The following MAPK10 variants were observed in gnomAD, a reference collection of about 807,000 sequenced individuals.
The protein encoded by MAPK10 is JNK3 alpha protein kinase.
Under a neutral mutation model 59.3 loss-of-function variants are expected in MAPK10, and 25 were observed. That is an observed-to-expected ratio of 0.42 (90% CI 0.31 to 0.59). MAPK10 has a LOEUF of 0.59. Ranked by LOEUF, MAPK10 falls within the 20% of genes least tolerant of loss-of-function variation. The pLI, the probability that MAPK10 is intolerant of heterozygous loss-of-function variation, is 0.15. For missense variants in MAPK10, 351 were observed against 568.9 expected (o/e 0.62, Z 3.90); for synonymous variants, 190 against 200.5 (o/e 0.95, Z 0.44).
intron 1 of MAPK10, among the ~76,000 whole-genome samples, chr4:86,459,507 C>T (rs1273601402): frequency 6.6e-6 from 1 of 152,056 alleles, no homozygotes; most frequent in Non-Finnish European, 1.5e-5. Flanking sequence ...ACCCAAATGC[C>T]CATCAATCAA....
At chr4:86,233,777 C>A (rs1440387529) in intron 2 of MAPK10, among the ~76,000 whole-genome samples, 1 of 152,200 alleles carries the variant, frequency 6.6e-6, no homozygotes, top group African/African-American at 2.4e-5. Context: ...ATTTGTCTAA[C>A]CACTTTGCTT....
At chr4:86,084,188 G>A (rs2051272855) in intron 9 of MAPK10, among the ~76,000 whole-genome samples, 1 of 152,156 alleles carries the variant, frequency 6.6e-6, no homozygotes, top group South Asian at 2.1e-4. Context: ...ACTTTGTCTT[G>A]TACCTTAGGT....
At chr4:86,263,371 A>G (rs1330943788) in intron 2 of MAPK10, among the ~76,000 whole-genome samples, 1 of 152,168 alleles carries the variant, frequency 6.6e-6, no homozygotes, top group Non-Finnish European at 1.5e-5. Flanking sequence ...TACTTGGTTC[A>G]ACCACCAGCC....
chr4:86,243,056 G>A (rs887615854), intron 2 of MAPK10, among the ~76,000 whole-genome samples: 1 of 152,212 alleles, frequency 6.6e-6, no homozygotes, highest in Non-Finnish European at 1.5e-5. Flanking sequence ...CTTGGCTGGC[G>A]GGAGGGGGGT....
At chr4:86,548,310 CTCCAAACACA>C (rs1759437601) in intron 1 of MAPK10, among the ~76,000 whole-genome samples, 1 of 152,102 alleles carries the variant, frequency 6.6e-6, no homozygotes, top group African/African-American at 2.4e-5. Context: ...AAGGAAGAAA[CTCCAAACACA>C]TCCGAACATC....
intron 2 of MAPK10, among the ~76,000 whole-genome samples, chr4:86,308,268 C>T (rs1578020513): frequency 6.6e-6 from 1 of 152,078 alleles, no homozygotes; most frequent in South Asian, 2.1e-4. Context: ...ATACCTTAAG[C>T]TTCCAAAGGG....
At chr4:86,294,506 A>C (rs1043713237) in intron 2 of MAPK10, among the ~76,000 whole-genome samples, 1 of 152,046 alleles carries the variant, frequency 6.6e-6, no homozygotes, top group Non-Finnish European at 1.5e-5. Flanking sequence ...TTAACAGCCC[A>C]GAGAATTGCC....
At chr4:86,525,407 C>T (rs1362992669) in intron 1 of MAPK10, among the ~76,000 whole-genome samples, 2 of 152,164 alleles carry the variant, frequency 1.3e-5, no homozygotes, top group African/African-American at 4.8e-5. Context: ...TTTGTATTCA[C>T]GTTACCTAGA....
chr4:86,592,367 C>T (rs1184951079), intron 1 of MAPK10, among the ~76,000 whole-genome samples: 5 of 149,092 alleles, frequency 3.4e-5, no homozygotes, highest in African/African-American at 1.2e-4. Flanking sequence ...AAAAAAAAAA[C>T]ACGAAGAAGA....
Position 86,338,326 on chromosome 4 carries a change from T to G in MAPK10, c.-7+16204A>C, listed in dbSNP as rs115803299. Among the ~76,000 whole-genome samples the G allele has an allele frequency of 1.9e-3, 293 of 152,298 alleles. 4 individuals carry two copies. Among genetic ancestry groups the G allele is most frequent in the Non-Finnish European group, 1.6e-3 (106 of 68,022 alleles). ...GAATTCCTGAAACCCTCATATGAAC[T>G]CCCTACCCTTACCCGCTTCTGCAGA... On this transcript the variant is annotated intron_variant, in intron 2 of 13. Transcript: ENST00000641462.
In MAPK10 at chr4:86,218,583, A is replaced by C. The variant is rs571348741; in HGVS notation, c.-6-24176T>G. On this transcript the variant is annotated intron_variant, in intron 2 of 13. Coordinates refer to ENST00000641462, the MANE Select transcript of MAPK10 (RefSeq NM_138982.4). ...AAGACTTAAGCAAAAAAAAAAAAAAAAAAACACTTTGGGCAATTAATTTAA... is the reference window on the plus strand; with the variant it reads ...AAGACTTAAGCAAAAAAAAAAAAAACAAAACACTTTGGGCAATTAATTTAA... Among the ~76,000 whole-genome samples, 538 of 150,206 alleles carry C rather than the reference A, an allele frequency of 3.6e-3. 8 individuals carry two copies. Among genetic ancestry groups the C allele is most frequent in the African/African-American group, 0.013 (512 of 40,054 alleles).
chr4:86,332,269 T>A (rs2096172379), intron 2 of MAPK10, among the ~76,000 whole-genome samples: 1 of 152,312 alleles, frequency 6.6e-6, no homozygotes, highest in Admixed American at 6.5e-5. Flanking sequence ...AAATAACACT[T>A]TACCTTAAAT....
intron 2 of MAPK10, among the ~76,000 whole-genome samples, chr4:86,256,306 A>G (rs1252626721): frequency 6.6e-6 from 1 of 152,216 alleles, no homozygotes; most frequent in Non-Finnish European, 1.5e-5. Flanking sequence ...ATATATCCTT[A>G]AAATTGGCCT....
At chr4:86,104,075 G>T (rs1451617278) in intron 5 of MAPK10, among the ~76,000 whole-genome samples, 1 of 151,904 alleles carries the variant, frequency 6.6e-6, no homozygotes, top group Non-Finnish European at 1.5e-5. Context: ...ATAAGTACAA[G>T]GTCAAGATTT....
chr4:86,069,568 T>C (rs2047390325), intron 9 of MAPK10, among the ~76,000 whole-genome samples: 1 of 152,090 alleles, frequency 6.6e-6, no homozygotes, highest in Admixed American at 6.5e-5. Flanking sequence ...ACTATGGATA[T>C]AGGTAAGCTA....
At chr4:86,378,841 A>G (rs974058645) in intron 1 of MAPK10, among the ~76,000 whole-genome samples, 2 of 152,176 alleles carry the variant, frequency 1.3e-5, no homozygotes, top group Non-Finnish European at 2.9e-5. Flanking sequence ...GGCTTTAAAC[A>G]TGTTCCATGA....
In MAPK10 at chr4:86,177,282, AT is replaced by A. The variant is rs1374144791; in HGVS notation, c.66+17053del. ...AAACCTAAACCATACAAACCATATC[AT>A]TTGTTTCACAGATCACCTAAAATGG... On this transcript the variant is annotated intron_variant, in intron 3 of 13. Transcript: ENST00000641462. Among the ~76,000 whole-genome samples the A allele has an allele frequency of 3.3e-5, 5 of 152,020 alleles. No homozygotes were observed. The East Asian group carries it at 9.7e-4, about 29-fold the overall frequency.
intron 1 of MAPK10, among the ~76,000 whole-genome samples, chr4:86,541,947 GCACACA>G (rs10555824): frequency 0.033 from 4,699 of 140,350 alleles, 77 homozygotes; most frequent in Non-Finnish European, 0.041. Flanking sequence ...GAATACACCG[GCACACA>G]CACACACACA....
chr4:86,450,569 G>A (rs954810844), intron 1 of MAPK10, among the ~76,000 whole-genome samples: 2 of 152,060 alleles, frequency 1.3e-5, no homozygotes, highest in African/African-American at 2.4e-5. Flanking sequence ...CCTCTGCCTC[G>A]TCAGTTACCC....
Sources: allele counts gnomAD v4.1 joint callset (sites outside exome capture counted in the v4.1 genomes callset), GRCh38; gene constraint gnomAD v4.1.1; transcripts MANE v1.5; gene names NCBI Gene and HGNC (gene_info 2026-07-23, HGNC 2026-07-21).